The following LSAMP variants were observed in gnomAD, a reference collection of about 807,000 sequenced individuals.
LSAMP encodes limbic system associated membrane protein.
In LSAMP, 7 loss-of-function variants were observed where a neutral mutation model predicts 38.6. The ratio of observed to expected loss-of-function variants is 0.18; its 90% CI spans 0.10 to 0.34. The LOEUF is 0.34. Ranked by LOEUF, LSAMP falls within the 10% of genes least tolerant of loss-of-function variation. The pLI is 1.00. For missense variants in LSAMP, 313 were observed against 420.0 expected (o/e 0.75, Z 2.23); for synonymous variants, 154 against 166.8 (o/e 0.92, Z 0.59).
At chr3:116,067,280 T>TGACATCAAAAATATTGATG (rs1707480650) in intron 2 of LSAMP, among the ~76,000 whole-genome samples, 1 of 152,156 alleles carries the variant, frequency 6.6e-6, no homozygotes, top group Non-Finnish European at 1.5e-5. Context: ...TCAAAAATAT[T>TGACATCAAAAATATTGATG]ACTGAAGTTG....
intron 3 of LSAMP, among the ~76,000 whole-genome samples, chr3:115,887,329 T>C (rs943127989): frequency 6.6e-6 from 1 of 151,918 alleles, no homozygotes; most frequent in Non-Finnish European, 1.5e-5. Flanking sequence ...TTTATGCATA[T>C]GTAAGAACAG....
chr3:116,108,884 G>A (rs1331950612), intron 1 of LSAMP, among the ~76,000 whole-genome samples: 1 of 152,150 alleles, frequency 6.6e-6, no homozygotes, highest in African/African-American at 2.4e-5. Context: ...TCTCACAGTG[G>A]AGGCAAGGAA....
chr3:115,977,803 A>G (rs965072745), intron 3 of LSAMP, among the ~76,000 whole-genome samples: 6 of 152,000 alleles, frequency 3.9e-5, no homozygotes, highest in African/African-American at 1.5e-4. Flanking sequence ...AAATATGAAT[A>G]GTCGACTAAA....
chr3:116,359,833 T>A (rs879881610), intron 1 of LSAMP, among the ~76,000 whole-genome samples: 2 of 152,144 alleles, frequency 1.3e-5, no homozygotes, highest in African/African-American at 4.8e-5. Context: ...TAACTCAAGA[T>A]GGATTAAAGA....
intron 1 of LSAMP, among the ~76,000 whole-genome samples, chr3:116,333,107 C>A (rs2047871993): frequency 6.6e-6 from 1 of 151,980 alleles, no homozygotes; most frequent in Non-Finnish European, 1.5e-5. Flanking sequence ...AAATATAGGA[C>A]CTAACACAAT....
intron 1 of LSAMP, among the ~76,000 whole-genome samples, chr3:116,190,128 CAT>C (rs1710721813): frequency 1.4e-5 from 2 of 146,306 alleles, no homozygotes; most frequent in South Asian, 2.2e-4. Flanking sequence ...CACACACACA[CAT>C]GCATTAAGAA....
chr3:116,154,914 A>G (rs557291925), intron 1 of LSAMP, among the ~76,000 whole-genome samples: 1 of 152,260 alleles, frequency 6.6e-6, no homozygotes, highest in East Asian at 1.9e-4. Context: ...AGTGTATACA[A>G]TTTATGCATA....
At chr3:115,918,830 C>T (rs1348519663) in intron 3 of LSAMP, among the ~76,000 whole-genome samples, 1 of 151,052 alleles carries the variant, frequency 6.6e-6, no homozygotes, top group Non-Finnish European at 1.5e-5. Context: ...ATAATGCTAT[C>T]ATTTATGTAG....
At chr3:116,312,856 CTGTG>C (rs977558298) in intron 1 of LSAMP, among the ~76,000 whole-genome samples, 1 of 151,998 alleles carries the variant, frequency 6.6e-6, no homozygotes, top group African/African-American at 2.4e-5. Context: ...ATGTGTGTTT[CTGTG>C]TGTGTGTGTC....
chr3:116,012,188 C>A (rs1484576241), intron 3 of LSAMP, among the ~76,000 whole-genome samples: 1 of 152,192 alleles, frequency 6.6e-6, no homozygotes, highest in Non-Finnish European at 1.5e-5. Flanking sequence ...CAAGCATCTG[C>A]TCATTTCAAC....
intron 3 of LSAMP, among the ~76,000 whole-genome samples, chr3:115,860,887 G>C (rs1215691872): frequency 6.6e-6 from 1 of 152,138 alleles, no homozygotes; most frequent in Non-Finnish European, 1.5e-5. Context: ...AATGAGGATG[G>C]TGATGTGTGA....
At chr3:116,388,676 T>C (rs1035716163) in intron 1 of LSAMP, among the ~76,000 whole-genome samples, 3 of 152,204 alleles carry the variant, frequency 2.0e-5, no homozygotes, top group Admixed American at 6.5e-5. Flanking sequence ...CTGCTCCTTA[T>C]TCCCAATAAA....
chr3:116,380,815 A>G (rs1445571255), intron 1 of LSAMP, among the ~76,000 whole-genome samples: 1 of 152,024 alleles, frequency 6.6e-6, no homozygotes, highest in African/African-American at 2.4e-5. Context: ...TATTGGGTAT[A>G]GCTTTGGTTT....
intron 2 of LSAMP, among the ~76,000 whole-genome samples, chr3:116,084,370 G>A (rs745442488): frequency 1.4e-5 from 2 of 146,110 alleles, no homozygotes; most frequent in Non-Finnish European, 3.0e-5. Flanking sequence ...AAAAAAAGAG[G>A]AACATTGGGC....
intron 1 of LSAMP, among the ~76,000 whole-genome samples, chr3:116,288,888 A>C (rs1196680806): frequency 6.6e-6 from 1 of 152,222 alleles, no homozygotes; most frequent in Non-Finnish European, 1.5e-5. Context: ...ATGCCAGTTC[A>C]TTTGAGAATA....
intron 3 of LSAMP, among the ~76,000 whole-genome samples, chr3:115,909,438 G>T (rs528469863): frequency 6.6e-6 from 1 of 152,294 alleles, no homozygotes; most frequent in East Asian, 1.9e-4. Context: ...TTCTGTGGTT[G>T]TTGTTGCTGT....
intron 1 of LSAMP, among the ~76,000 whole-genome samples, chr3:116,109,914 A>G (rs1256452243): frequency 6.7e-6 from 1 of 148,388 alleles, no homozygotes; most frequent in Non-Finnish European, 1.5e-5. Flanking sequence ...CAGAGATAAG[A>G]GGATGGGGTG....
chr3:115,831,665 A>T (rs1359868918), intron 6 of LSAMP, among the ~76,000 whole-genome samples: 1 of 152,168 alleles, frequency 6.6e-6, no homozygotes, highest in African/African-American at 2.4e-5. Flanking sequence ...CTCTTTCCTC[A>T]TTTTGCAATT....
intron 6 of LSAMP, among the ~76,000 whole-genome samples, chr3:115,839,286 C>CTTCCTTCT (rs1204193792): frequency 1.1e-4 from 14 of 126,858 alleles, no homozygotes; most frequent in Non-Finnish European, 2.2e-4. Flanking sequence ...TCCTTCCTTC[C>CTTCCTTCT]TTCCTTCCTT....
Sources: allele counts gnomAD v4.1 joint callset (sites outside exome capture counted in the v4.1 genomes callset), GRCh38; gene constraint gnomAD v4.1.1; transcripts MANE v1.5; gene names NCBI Gene and HGNC (gene_info 2026-07-23, HGNC 2026-07-21).